NTM: variants seen among roughly 807,000 people sequenced by gnomAD.
The protein encoded by NTM is neurotrimin.
Under a neutral mutation model 42.1 loss-of-function variants are expected in NTM, and 13 were observed. The ratio of observed to expected loss-of-function variants is 0.31; its 90% CI spans 0.20 to 0.49. NTM has a LOEUF of 0.49. NTM is among the 20% of genes least tolerant of loss of function. The probability of loss-of-function intolerance (pLI) is 0.99; values close to 1 mark genes in which losing one functional copy is unlikely to be tolerated. For synonymous variants in NTM, 187 were observed against 179.2 expected, an observed-to-expected ratio of 1.04 and a Z score of -0.35; for missense variants, 373 against 452.8, an observed-to-expected ratio of 0.82 and a Z score of 1.60.
chr11:131,871,832 T>G (rs2047820412), intron 1 of NTM, among the ~76,000 whole-genome samples: 1 of 152,168 alleles, frequency 6.6e-6, no homozygotes, highest in Admixed American at 6.5e-5. Context: ...CCTAGGTCTT[T>G]CCTTTGTCAT....
chr11:131,870,343 G>T (rs1203685188), intron 1 of NTM, among the ~76,000 whole-genome samples: 3 of 152,186 alleles, frequency 2.0e-5, no homozygotes, highest in African/African-American at 7.2e-5. Context: ...TATTGCAAAT[G>T]AAATAGCACA....
chr11:131,919,981 T>A (rs1277216838), intron 2 of NTM, among the ~76,000 whole-genome samples: 1 of 152,152 alleles, frequency 6.6e-6, no homozygotes, highest in African/African-American at 2.4e-5. Context: ...TTTCTTGAGA[T>A]GTTTGATTTC....
chr11:131,844,169 G>C (rs1394422432), intron 1 of NTM, among the ~76,000 whole-genome samples: 2 of 152,152 alleles, frequency 1.3e-5, no homozygotes, highest in East Asian at 3.9e-4. Context: ...GTTGCTGTTG[G>C]TATTTAGCTT....
chr11:132,155,103 A>G (rs1260729466), intron 3 of NTM, among the ~76,000 whole-genome samples: 10 of 152,198 alleles, frequency 6.6e-5, no homozygotes, highest in Non-Finnish European at 1.3e-4. Flanking sequence ...AGTCTGCACA[A>G]TGAACCCGGT....
chr11:131,813,042 G>A (rs908116851), intron 1 of NTM, among the ~76,000 whole-genome samples: 4 of 152,176 alleles, frequency 2.6e-5, no homozygotes, highest in Non-Finnish European at 4.4e-5. Flanking sequence ...CCTTTAGTGA[G>A]TTGGGTCTTA....
At chr11:131,718,671 C>T (rs2077985943) in intron 1 of NTM, among the ~76,000 whole-genome samples, 2 of 152,068 alleles carry the variant, frequency 1.3e-5, no homozygotes, top group East Asian at 3.9e-4. Context: ...TCAAGGGAAC[C>T]CTCTGCAGAT....
intron 1 of NTM, among the ~76,000 whole-genome samples, chr11:131,465,055 TC>T (rs1951761710): frequency 6.6e-6 from 1 of 152,238 alleles, no homozygotes; most frequent in Admixed American, 6.5e-5. Context: ...TTCCCAATTC[TC>T]CCCAATGGTG....
intron 2 of NTM, among the ~76,000 whole-genome samples, chr11:132,125,144 C>G (rs1382072145): frequency 6.6e-6 from 1 of 152,230 alleles, no homozygotes; most frequent in Non-Finnish European, 1.5e-5. Context: ...CGGATGGGCT[C>G]ACAGTGGGGA....
intron 2 of NTM, among the ~76,000 whole-genome samples, chr11:132,039,172 C>G (rs1051504796): frequency 9.9e-5 from 15 of 152,182 alleles, no homozygotes; most frequent in African/African-American, 3.6e-4. Flanking sequence ...TCCAGCAGCA[C>G]TGCCTCCCAC....
chr11:131,471,970 G>C (rs1023709928), intron 1 of NTM, among the ~76,000 whole-genome samples: 6 of 152,174 alleles, frequency 3.9e-5, no homozygotes, highest in African/African-American at 1.4e-4. Context: ...ATGCTATCTG[G>C]TGCATAATGG....
chr11:132,329,914 C>T (rs1387381881), intron 7 of NTM, among the ~76,000 whole-genome samples: 2 of 152,204 alleles, frequency 1.3e-5, no homozygotes, highest in African/African-American at 4.8e-5. Context: ...TCGTTCACAT[C>T]CTTCTCCAGC....
intron 1 of NTM, among the ~76,000 whole-genome samples, chr11:131,665,783 G>A (rs1292729009): frequency 7.2e-5 from 11 of 152,184 alleles, no homozygotes; most frequent in Admixed American, 7.2e-4. Context: ...CGTGGGCCAC[G>A]GAAAAGAGGC....
At chr11:131,757,732 T>C (rs2083522641) in intron 1 of NTM, among the ~76,000 whole-genome samples, 1 of 152,154 alleles carries the variant, frequency 6.6e-6, no homozygotes, top group Admixed American at 6.5e-5. Context: ...CAGGATGCTA[T>C]TCCCAAGGTA....
At chr11:131,687,322 C>T (rs112145775) in intron 1 of NTM, among the ~76,000 whole-genome samples, 7 of 152,228 alleles carry the variant, frequency 4.6e-5, no homozygotes, top group African/African-American at 1.7e-4. Context: ...AATGTGATCT[C>T]GCTACCCAGA....
chr11:131,788,209 A>T (rs576398060), intron 1 of NTM, among the ~76,000 whole-genome samples: 1 of 152,186 alleles, frequency 6.6e-6, no homozygotes, highest in South Asian at 2.1e-4. Flanking sequence ...ATTTCTTAAG[A>T]TGAGTTACTA....
At chr11:132,152,869 C>A (rs182149756) in intron 3 of NTM, among the ~76,000 whole-genome samples, 34 of 152,302 alleles carry the variant, frequency 2.2e-4, no homozygotes, top group South Asian at 1.0e-3. Flanking sequence ...ATGGCATTTT[C>A]TTTTCCTTTT....
intron 1 of NTM, among the ~76,000 whole-genome samples, chr11:131,468,205 TTGAC>T (rs1952079346): frequency 2.0e-5 from 3 of 152,206 alleles, no homozygotes. Flanking sequence ...GCCCATCTGA[TTGAC>T]TGGCTGGCTC....
chr11:131,796,103 A>C, intron 1 of NTM: 1 of 985,444 alleles, frequency 1.0e-6, no homozygotes, highest in Non-Finnish European at 1.2e-6. Flanking sequence ...TCCCGGGGGA[A>C]ATCTAGGGAA....
At chr11:131,739,541 C>T (rs1054535593) in intron 1 of NTM, among the ~76,000 whole-genome samples, 22 of 152,302 alleles carry the variant, frequency 1.4e-4, no homozygotes, top group South Asian at 4.1e-4. Flanking sequence ...CACTGGCCGC[C>T]GTTGGCATAC....
Sources: gnomAD v4.1 joint callset for allele counts (sites outside exome capture counted in the v4.1 genomes callset) on GRCh38, gnomAD v4.1.1 for gene constraint, MANE v1.5 for transcripts, NCBI Gene and HGNC (gene_info 2026-07-23, HGNC 2026-07-21) for gene names.